The following CAMK1D variants were observed in gnomAD, a reference collection of about 807,000 sequenced individuals.
CAMK1D encodes the protein calcium/calmodulin-dependent protein kinase type 1D.
Under a neutral mutation model 47.7 loss-of-function variants are expected in CAMK1D, and 9 were observed. The ratio of observed to expected loss-of-function variants is 0.19; its 90% CI spans 0.11 to 0.33. The LOEUF (loss-of-function observed/expected upper bound fraction) is 0.33, where lower values mean the gene tolerates loss of function less well. CAMK1D is among the 10% of genes least tolerant of loss of function. The pLI, the probability that CAMK1D is intolerant of heterozygous loss-of-function variation, is 1.00. For synonymous variants in CAMK1D, 184 were observed against 184.9 expected (o/e 0.99, Z 0.04); for missense variants, 291 against 488.7 (o/e 0.60, Z 3.81).
chr10:12,712,412 A>G lies in CAMK1D; in HGVS notation c.299+45602A>G, dbSNP rs115528469. On this transcript the variant is annotated intron_variant, in intron 3 of 10. Coordinates refer to ENST00000619168, the MANE Select transcript of CAMK1D (RefSeq NM_153498.4). ...GGGTGAAGAAGGGTGTCTTAGCTGG[A>G]ATTGCTACAACAGAACGCTGTAGAC... 8.9e-3 allele frequency among the ~76,000 whole-genome samples: 1,356 copies of G among 152,298 alleles called. 21 individuals are homozygous for G. The highest frequency in any genetic ancestry group is 0.037 in the South Asian group (179 of 4,818).
At chr10:12,823,709 G>A (rs904781725) in intron 8 of CAMK1D, among the ~76,000 whole-genome samples, 8 of 151,964 alleles carry the variant, frequency 5.3e-5, no homozygotes, top group African/African-American at 1.7e-4. Context: ...AAGCTTACCC[G>A]GGGCTGCCAA....
At chr10:12,711,055 G>A (rs1481143646) in intron 3 of CAMK1D, among the ~76,000 whole-genome samples, 1 of 152,154 alleles carries the variant, frequency 6.6e-6, no homozygotes, top group African/African-American at 2.4e-5. Flanking sequence ...AGAGCTCCCA[G>A]TCATGAAAGT....
At chr10:12,497,401 T>C (rs1329391745) in intron 1 of CAMK1D, among the ~76,000 whole-genome samples, 2 of 143,024 alleles carry the variant, frequency 1.4e-5, no homozygotes, top group Non-Finnish European at 3.0e-5. Context: ...CACTTGAACC[T>C]GGGAGGAGGA....
intron 3 of CAMK1D, among the ~76,000 whole-genome samples, chr10:12,738,848 T>A (rs963410571): frequency 3.3e-5 from 5 of 151,742 alleles, no homozygotes; most frequent in Admixed American, 2.6e-4. Context: ...AATAAATAAA[T>A]AAAAATAAAT....
chr10:12,579,718 G>C (rs933676116), intron 2 of CAMK1D, among the ~76,000 whole-genome samples: 16 of 152,038 alleles, frequency 1.1e-4, no homozygotes, highest in Non-Finnish European at 2.4e-4. Flanking sequence ...GAAGCCTTCC[G>C]GACCAGACCA....
intron 2 of CAMK1D, among the ~76,000 whole-genome samples, chr10:12,593,201 G>T (rs548832978): frequency 3.3e-5 from 5 of 152,324 alleles, no homozygotes; most frequent in East Asian, 1.9e-4. Context: ...TGGGCCAGTT[G>T]TAGTTTAACG....
At chr10:12,695,768 T>C (rs1236890977) in intron 3 of CAMK1D, among the ~76,000 whole-genome samples, 1 of 152,070 alleles carries the variant, frequency 6.6e-6, no homozygotes, top group Non-Finnish European at 1.5e-5. Flanking sequence ...CCATGCGGAA[T>C]GTAGTCAGTT....
At chr10:12,670,537 T>C (rs1227284431) in intron 3 of CAMK1D, among the ~76,000 whole-genome samples, 2 of 149,628 alleles carry the variant, frequency 1.3e-5, no homozygotes, top group East Asian at 3.9e-4. Flanking sequence ...AATTCACCCA[T>C]AAAGTGTACA....
chr10:12,755,781 T>C (rs1836199464), intron 3 of CAMK1D, among the ~76,000 whole-genome samples: 1 of 152,108 alleles, frequency 6.6e-6, no homozygotes, highest in Admixed American at 6.5e-5. Context: ...GACCTTGGGG[T>C]TTCTCCATTG....
chr10:12,763,255 G>A (rs1368840193), intron 4 of CAMK1D, among the ~76,000 whole-genome samples: 3 of 152,244 alleles, frequency 2.0e-5, no homozygotes, highest in East Asian at 1.9e-4. Context: ...CTAAATTTGC[G>A]TAAACAGCTA....
chr10:12,644,923 A>G (rs536072079), intron 2 of CAMK1D, among the ~76,000 whole-genome samples: 1 of 152,310 alleles, frequency 6.6e-6, no homozygotes, highest in South Asian at 2.1e-4. Flanking sequence ...CATGTTAGGA[A>G]TAGATGACTA....
At chr10:12,574,514 C>T (rs182650058) in intron 2 of CAMK1D, among the ~76,000 whole-genome samples, 1,404 of 122,212 alleles carry the variant, frequency 0.011, 24 homozygotes, top group African/African-American at 0.043. Flanking sequence ...GACGGGGCTT[C>T]GCCATGTTGC....
At chr10:12,697,417 GT>G (rs1365737556) in intron 3 of CAMK1D, among the ~76,000 whole-genome samples, 1 of 152,082 alleles carries the variant, frequency 6.6e-6, no homozygotes, top group African/African-American at 2.4e-5. Context: ...TTTTCCTTTG[GT>G]GATGGAGTCT....
chr10:12,445,322 A>G (rs1404738144), intron 1 of CAMK1D, among the ~76,000 whole-genome samples: 1 of 152,218 alleles, frequency 6.6e-6, no homozygotes, highest in Non-Finnish European at 1.5e-5. Flanking sequence ...TTAGAATTTC[A>G]TTTTTGGTTT....
chr10:12,401,059 A>G (rs1194351826), intron 1 of CAMK1D, among the ~76,000 whole-genome samples: 1 of 96,570 alleles, frequency 1.0e-5, no homozygotes, highest in African/African-American at 4.0e-5. Context: ...TATATTATAT[A>G]TATATTTTAT....
chr10:12,644,744 T>A (rs1839767819), intron 2 of CAMK1D, among the ~76,000 whole-genome samples: 1 of 152,266 alleles, frequency 6.6e-6, no homozygotes, highest in Non-Finnish European at 1.5e-5. Flanking sequence ...AAGCTGTGAT[T>A]CCTATCTTAA....
intron 2 of CAMK1D, among the ~76,000 whole-genome samples, chr10:12,573,137 A>G (rs572012841): frequency 3.2e-4 from 48 of 152,360 alleles, no homozygotes; most frequent in East Asian, 2.3e-3. Flanking sequence ...CCAACAGGAT[A>G]TCTGACGACA....
At chr10:12,468,698 C>G (rs1277272594) in intron 1 of CAMK1D, among the ~76,000 whole-genome samples, 1 of 152,208 alleles carries the variant, frequency 6.6e-6, no homozygotes, top group Non-Finnish European at 1.5e-5. Flanking sequence ...CCCTGCCCTC[C>G]AGCCCATGTG....
chr10:12,441,661 A>T (rs867146917), intron 1 of CAMK1D, among the ~76,000 whole-genome samples: 118 of 151,992 alleles, frequency 7.8e-4, no homozygotes, highest in African/African-American at 2.4e-3. Context: ...TAAAAAAAAA[A>T]TTTTCTGGGT....
Sources: allele counts gnomAD v4.1 joint callset (sites outside exome capture counted in the v4.1 genomes callset), GRCh38; gene constraint gnomAD v4.1.1; transcripts MANE v1.5; gene names NCBI Gene and HGNC (gene_info 2026-07-23, HGNC 2026-07-21).